LRRTM4: variants seen among roughly 807,000 people sequenced by gnomAD.
The protein encoded by LRRTM4 is leucine rich repeat transmembrane neuronal 4.
LRRTM4 carries 25 observed loss-of-function variants against 47.6 expected under a neutral mutation model. The ratio of observed to expected loss-of-function variants is 0.53; its 90% CI spans 0.38 to 0.73. LRRTM4 has a LOEUF of 0.73. Among genes scored for constraint, LRRTM4 ranks in the 30% least tolerant of loss-of-function variants. The pLI is 0.00. For synonymous variants in LRRTM4, 311 were observed against 269.5 expected, an observed-to-expected ratio of 1.15 and a Z score of -1.51; for missense variants, 638 against 713.4, an observed-to-expected ratio of 0.89 and a Z score of 1.20.
intron 3 of LRRTM4, among the ~76,000 whole-genome samples, chr2:76,887,370 C>T (rs1392019757): frequency 6.6e-6 from 1 of 151,070 alleles, no homozygotes; most frequent in African/African-American, 2.4e-5. Flanking sequence ...TTTTTCTAAA[C>T]CCTGCACCAA....
chr2:77,517,982 A>G (rs1679284001), intron 3 of LRRTM4: 2 of 1,035,652 alleles, frequency 1.9e-6, no homozygotes, highest in South Asian at 9.1e-5. Flanking sequence ...CAAGAACCAG[A>G]CAGAAATTTC....
intron 3 of LRRTM4, among the ~76,000 whole-genome samples, chr2:77,186,957 G>A (rs560675934): frequency 2.0e-5 from 3 of 152,066 alleles, no homozygotes; most frequent in Non-Finnish European, 2.9e-5. Flanking sequence ...ATTAAAAGAC[G>A]AACTAGGGCT....
At chr2:77,463,128 C>T (rs967188368) in intron 3 of LRRTM4, among the ~76,000 whole-genome samples, 2 of 151,982 alleles carry the variant, frequency 1.3e-5, no homozygotes, top group Non-Finnish European at 2.9e-5. Flanking sequence ...GATAATATAA[C>T]CTACTACACA....
intron 3 of LRRTM4, among the ~76,000 whole-genome samples, chr2:77,024,206 G>C (rs1021221651): frequency 6.6e-6 from 1 of 152,092 alleles, no homozygotes; most frequent in Non-Finnish European, 1.5e-5. Context: ...GTAATTACGG[G>C]AATACAATTC....
intron 3 of LRRTM4, among the ~76,000 whole-genome samples, chr2:77,261,107 A>G (rs1675907673): frequency 6.6e-6 from 1 of 152,048 alleles, no homozygotes; most frequent in African/African-American, 2.4e-5. Context: ...GAAAGGATTG[A>G]GCATATTGTC....
At chr2:76,994,902 A>G (rs1259413842) in intron 3 of LRRTM4, among the ~76,000 whole-genome samples, 3 of 152,022 alleles carry the variant, frequency 2.0e-5, no homozygotes, top group Non-Finnish European at 2.9e-5. Flanking sequence ...ATGGCATTCT[A>G]TCTAAGCTAA....
intron 3 of LRRTM4, among the ~76,000 whole-genome samples, chr2:77,145,825 A>G (rs36101064): frequency 6.7e-6 from 1 of 150,198 alleles, no homozygotes; most frequent in East Asian, 1.9e-4. Flanking sequence ...TAAAAATTGT[A>G]TATATGCTTA....
chr2:76,827,074 T>G (rs72819213), intron 3 of LRRTM4, among the ~76,000 whole-genome samples: 3,003 of 151,988 alleles, frequency 0.02, 63 homozygotes, highest in East Asian at 0.1. Flanking sequence ...AGACCGTTAG[T>G]TCTCATGGTA....
At chr2:77,130,626 C>T (rs1259959160) in intron 3 of LRRTM4, among the ~76,000 whole-genome samples, 1 of 150,578 alleles carries the variant, frequency 6.6e-6, no homozygotes, top group Non-Finnish European at 1.5e-5. Flanking sequence ...ATTCTCCTGC[C>T]TCAGCCTACA....
intron 3 of LRRTM4, among the ~76,000 whole-genome samples, chr2:77,083,953 C>T (rs755188066): frequency 6.6e-6 from 1 of 151,178 alleles, no homozygotes; most frequent in Non-Finnish European, 1.5e-5. Context: ...TACAGGCGCC[C>T]GCCACTGCGC....
At chr2:76,871,751 T>C (rs1672630388) in intron 3 of LRRTM4, among the ~76,000 whole-genome samples, 1 of 152,218 alleles carries the variant, frequency 6.6e-6, no homozygotes, top group Non-Finnish European at 1.5e-5. Context: ...TTGTGACTTT[T>C]GTTTTTTCTG....
chr2:76,775,554 T>C (rs112607335), intron 3 of LRRTM4, among the ~76,000 whole-genome samples: 7 of 152,272 alleles, frequency 4.6e-5, no homozygotes, highest in African/African-American at 1.7e-4. Flanking sequence ...AAAAGAGTTC[T>C]TGTTGTAAAA....
intron 3 of LRRTM4, among the ~76,000 whole-genome samples, chr2:76,783,972 AAATGTTTG>A (rs1674532719): frequency 6.6e-6 from 1 of 152,278 alleles, no homozygotes; most frequent in Admixed American, 6.5e-5. Flanking sequence ...AGGGTTAAGA[AAATGTTTG>A]AATGTTAAAC....
intron 3 of LRRTM4, among the ~76,000 whole-genome samples, chr2:77,135,668 G>C (rs965752243): frequency 6.6e-6 from 1 of 152,118 alleles, no homozygotes; most frequent in Non-Finnish European, 1.5e-5. Context: ...GAGAACTTCT[G>C]AAAGTTCTCA....
chr2:77,001,043 C>T (rs1244392625), intron 3 of LRRTM4, among the ~76,000 whole-genome samples: 1 of 152,130 alleles, frequency 6.6e-6, no homozygotes, highest in African/African-American at 2.4e-5. Context: ...TCTTCCTAAG[C>T]CCAAAGGATA....
intron 3 of LRRTM4, among the ~76,000 whole-genome samples, chr2:77,049,776 C>A (rs563576680): frequency 1.3e-5 from 2 of 151,944 alleles, no homozygotes; most frequent in African/African-American, 2.4e-5. Flanking sequence ...CCTTGCTGTG[C>A]AGAAGCTGTT....
chr2:77,077,327 T>G (rs1035472727), intron 3 of LRRTM4, among the ~76,000 whole-genome samples: 1 of 152,158 alleles, frequency 6.6e-6, no homozygotes, highest in African/African-American at 2.4e-5. Flanking sequence ...TGGGGGCAAC[T>G]TGGTCCTATA....
At chr2:77,475,329 A>G (rs1677345696) in intron 3 of LRRTM4, among the ~76,000 whole-genome samples, 1 of 152,090 alleles carries the variant, frequency 6.6e-6, no homozygotes, top group South Asian at 2.1e-4. Flanking sequence ...TTTTGGGAAA[A>G]GCACTTCAAA....
chr2:77,095,850 A>C (rs942977562), intron 3 of LRRTM4, among the ~76,000 whole-genome samples: 1 of 152,176 alleles, frequency 6.6e-6, no homozygotes, highest in East Asian at 1.9e-4. Flanking sequence ...TCATTTGACA[A>C]CATGAATGCA....
Sources: gnomAD v4.1 joint callset for allele counts (sites outside exome capture counted in the v4.1 genomes callset) on GRCh38, gnomAD v4.1.1 for gene constraint, MANE v1.5 for transcripts, NCBI Gene and HGNC (gene_info 2026-07-23, HGNC 2026-07-21) for gene names.